PLIN3: variants seen among roughly 807,000 people sequenced by gnomAD.
PLIN3 encodes the protein perilipin 3.
PLIN3 carries 30 observed loss-of-function variants against 35.9 expected under a neutral mutation model. The ratio of observed to expected loss-of-function variants is 0.84; its 90% CI spans 0.62 to 1.13. The LOEUF (loss-of-function observed/expected upper bound fraction) is 1.13. Among genes scored for constraint, PLIN3 ranks in the 50% most tolerant of loss-of-function variants. The pLI is 0.00. For synonymous variants in PLIN3, 261 were observed against 262.5 expected, an observed-to-expected ratio of 0.99 and a Z score of 0.06; for missense variants, 603 against 596.9, an observed-to-expected ratio of 1.01 and a Z score of -0.11.
At position 4,852,231 on chromosome 19, in the gene PLIN3, T is replaced by G; in HGVS notation, c.419A>C (p.Lys140Thr). 1 of 1,610,378 alleles carries G rather than the reference T, an allele frequency of 6.2e-7. No individual in the cohort carries two copies. The highest frequency in any genetic ancestry group is 8.5e-7 in the Non-Finnish European group (1 of 1,180,002). The change falls in exon 5 of 8, where the codon AAG (lysine) becomes ACG (threonine). Residue 140 changes from lysine (K) to threonine (T), a missense_variant. Physicochemically the swap from Lys to Thr is moderately conservative, Grantham distance 78 (BLOSUM62 -1). Transcript: ENST00000221957. ...CGACAATTGGGTGGCCACCGTGTCCTTGGCGCTAGACACCATCTCTTGGGC... is the reference window on the plus strand; with the variant it reads ...CGACAATTGGGTGGCCACCGTGTCCGTGGCGCTAGACACCATCTCTTGGGC... The part of the protein sequence containing the change: ...SGAQEMVSSA[K>T]DTVATQLSEA...
rs528943381 is a variant in PLIN3 at position 4,838,367 on chromosome 19, G to T, written c.*825C>A. 1 of 152,572 alleles carries T rather than the reference G, an allele frequency of 6.6e-6. No individual in the cohort carries two copies. Among genetic ancestry groups the T allele is most frequent in the South Asian group, 2.1e-4 (1 of 4,816 alleles). 9.5% of individuals were successfully genotyped at this position (152,572 alleles called of 1,614,324 possible). On this transcript the variant is annotated 3_prime_UTR_variant, in exon 8 of 8. Coordinates refer to ENST00000221957, the MANE Select transcript of PLIN3 (RefSeq NM_005817.5). ...GCAGTTGTGGGTGAAGTTTATTAAG[G>T]CAATACTGAATACCAGAGCATTTCA...
rs1028533165 is a variant in PLIN3 at position 4,847,728 on chromosome 19, T to C, written c.797A>G (p.Gln266Arg). 3 of 1,610,698 alleles carry C rather than the reference T, an allele frequency of 1.9e-6. No homozygotes were observed. Among genetic ancestry groups the C allele is most frequent in the African/African-American group, 1.3e-5 (1 of 74,992 alleles). Residue 266 changes from glutamine (Q) to arginine (R), a missense_variant, in exon 6 of 8, where the codon CAG becomes CGG. Coordinates refer to ENST00000221957, the MANE Select transcript of PLIN3 (RefSeq NM_005817.5). The stretch of plus-strand genomic sequence containing the variant: ...CTGCGACAGCTGCAGCAGAGCCTCC[T>C]GTGCCCTCTGCTTGGTGGCTCGAAG... ...GKLRATKQRA[Q>R]EALLQLSQVL...
intron 5 of PLIN3, among the ~76,000 whole-genome samples, chr19:4,851,651 G>A (rs553527875): frequency 3.2e-4 from 48 of 152,080 alleles, no homozygotes; most frequent in Non-Finnish European, 6.0e-4. Context: ...AGGGGGAAGA[G>A]GAGGAGGGCG....
At position 4,846,710 on chromosome 19, in the gene PLIN3, G is replaced by T. The variant is rs2030110216; in HGVS notation, c.834+981C>A. Among the ~76,000 whole-genome samples the T allele has an allele frequency of 4.6e-5, 7 of 151,922 alleles. No homozygotes were observed. In the Admixed American group the frequency reaches 4.6e-4, roughly 10 times the overall value. On this transcript the variant is annotated intron_variant, in intron 6 of 7. Transcript: ENST00000221957. The stretch of plus-strand genomic sequence containing the variant: ...CGAGACTCCGTTCAAAGAAAAAAAA[G>T]AGATTAGGACACAGACATACACAGA...
intron 4 of PLIN3, among the ~76,000 whole-genome samples, chr19:4,858,620 G>A (rs1484437652): frequency 6.6e-6 from 1 of 151,102 alleles, no homozygotes; most frequent in African/African-American, 2.4e-5. Context: ...CTGACCTTGT[G>A]ATCCGCCCAC....
chr19:4,840,561 A>G (rs1441210541), intron 7 of PLIN3, among the ~76,000 whole-genome samples: 1 of 152,146 alleles, frequency 6.6e-6, no homozygotes, highest in Non-Finnish European at 1.5e-5. Context: ...CCACTAGTCA[A>G]ATTCTTTAAA....
Position 4,839,126 on chromosome 19 carries a change from G to A in PLIN3, c.*66C>T, listed in dbSNP as rs1388335678. The A allele has an allele frequency of 1.5e-5, 19 of 1,297,008 alleles. No individual in the cohort carries two copies. Among genetic ancestry groups the A allele is most frequent in the Middle Eastern group, 4.1e-4 (2 of 4,894 alleles). The allele number at this position is 1,297,008 out of a possible 1,614,324, so 80.3% of individuals were successfully genotyped here. On this transcript the variant is annotated 3_prime_UTR_variant, in exon 8 of 8. Coordinates refer to ENST00000221957, the MANE Select transcript of PLIN3 (RefSeq NM_005817.5). ...AGAAAATAAGTTTGAAATGAGCCCC[G>A]GGTTGAGGACTCCAGAGCACAGCTG...
At chr19:4,846,783 G>A (rs145767993) in intron 6 of PLIN3, among the ~76,000 whole-genome samples, 3 of 152,196 alleles carry the variant, frequency 2.0e-5, no homozygotes, top group South Asian at 2.1e-4. Context: ...GGCTGTCTAC[G>A]AGTCAAGGAG....
chr19:4,843,768 C>T (rs868662800), intron 7 of PLIN3, among the ~76,000 whole-genome samples: 2 of 151,146 alleles, frequency 1.3e-5, no homozygotes, highest in African/African-American at 2.4e-5. Context: ...CCTGCAATGG[C>T]GAGGCCACAG....
chr19:4,843,548 G>A (rs957544358), intron 7 of PLIN3, among the ~76,000 whole-genome samples: 4 of 98,504 alleles, frequency 4.1e-5, no homozygotes, highest in African/African-American at 1.2e-4. Flanking sequence ...TAATTGATCT[G>A]GGGTCGGGTG....
intron 1 of PLIN3, among the ~76,000 whole-genome samples, chr19:4,866,179 G>A (rs531407901): frequency 6.6e-5 from 10 of 151,786 alleles, no homozygotes; most frequent in African/African-American, 1.9e-4. Flanking sequence ...CACCACGTCC[G>A]GCTAATTTTT....
chr19:4,847,242 T>G (rs908663638), intron 6 of PLIN3, among the ~76,000 whole-genome samples: 1 of 151,168 alleles, frequency 6.6e-6, no homozygotes, highest in Admixed American at 6.6e-5. Flanking sequence ...TAGGCTGCAG[T>G]GCAGTGGCAC....
intron 6 of PLIN3, 98 bp from the exon 7 acceptor site, chr19:4,844,891 T>C (rs1430702419): frequency 2.2e-6 from 3 of 1,364,526 alleles, no homozygotes; most frequent in Non-Finnish European, 2.9e-6. Context: ...CTGACTTACA[T>C]GACAGTCTAG....
intron 7 of PLIN3, among the ~76,000 whole-genome samples, chr19:4,841,804 C>T (rs2029898158): frequency 1.4e-5 from 2 of 145,222 alleles, no homozygotes; most frequent in Admixed American, 7.2e-5. Flanking sequence ...ACTTAGGAGG[C>T]TGAGGCAGGA....
At position 4,844,726 on chromosome 19, in the gene PLIN3, C is replaced by G. The variant is rs767949421; in HGVS notation, c.902G>C (p.Trp301Ser). The G allele has an allele frequency of 5.0e-6, 8 of 1,607,086 alleles. No homozygotes were observed. The South Asian group carries it at 8.9e-5, about 18-fold the overall frequency. ...VEGQEKLHQM[W>S]LSWNQKQLQG... is the part of the protein sequence containing the mutation. ...GAGCTGCTTCTGGTTCCAGCTGAGC[C>G]ACATCTGGTGCAGCTTCTCCTGGCC... The change falls in exon 7 of 8, where the codon TGG becomes TCG. Residue 301 changes from tryptophan to serine, a missense_variant. Physicochemically the swap from Trp to Ser is radical, Grantham distance 177. Transcript: ENST00000221957.
intron 4 of PLIN3, among the ~76,000 whole-genome samples, chr19:4,857,139 T>C (rs1599170952): frequency 6.6e-6 from 1 of 151,728 alleles, no homozygotes; most frequent in Admixed American, 6.6e-5. Context: ...TAAAAAGCGG[T>C]GATTAAGGGA....
intron 7 of PLIN3, among the ~76,000 whole-genome samples, chr19:4,841,820 G>C (rs1341679999): frequency 6.7e-6 from 1 of 149,926 alleles, no homozygotes; most frequent in African/African-American, 2.5e-5. Context: ...CAGGAGAATG[G>C]CGTGAATCCG....
Position 4,859,879 on chromosome 19 carries a change from G to A in PLIN3, c.212C>T (p.Thr71Met), listed in dbSNP as rs778170698. ...DAAEKGVRTL[T>M]AAAVSGAQPI... ...CTGAGCCCCGCTGACAGCAGCCGCC[G>A]TGAGGGTCCTCACTCCCTTCTCTGC... The change falls in exon 3 of 8, where the codon ACG (threonine) becomes ATG (methionine). Residue 71 changes from threonine (T) to methionine (M), a missense_variant. Thr to Met is a moderately conservative substitution (Grantham distance 81, BLOSUM62 -1). Coordinates refer to ENST00000221957, the MANE Select transcript of PLIN3 (RefSeq NM_005817.5). 5.0e-6 allele frequency: 8 copies of A among 1,613,516 alleles called. No individual in the cohort carries two copies. In the South Asian group the frequency reaches 5.5e-5, roughly 11 times the overall value.
Position 4,844,622 on chromosome 19 carries a change from G to A in PLIN3, c.960+46C>T, listed in dbSNP as rs202062882. ...AAGCAGAGGTGTAGAGAGTGGCATC[G>A]GGACTCCAAGTACCCTAGGCCACCC... On this transcript the variant is annotated intron_variant, in intron 7 of 7. Coordinates refer to ENST00000221957, the MANE Select transcript of PLIN3 (RefSeq NM_005817.5). 121 of 1,553,266 alleles carry A rather than the reference G, an allele frequency of 7.8e-5. No individual in the cohort carries two copies. In the African/African-American group the frequency reaches 1.4e-3, roughly 18 times the overall value.
Sources: allele counts gnomAD v4.1 joint callset (sites outside exome capture counted in the v4.1 genomes callset), GRCh38; gene constraint gnomAD v4.1.1; transcripts MANE v1.5; gene names NCBI Gene and HGNC (gene_info 2026-07-23, HGNC 2026-07-21).